The following TEAD1 variants were observed in gnomAD, a reference collection of about 807,000 sequenced individuals.
The protein encoded by TEAD1 is transcriptional enhancer factor TEF-1.
Under a neutral mutation model 54.9 loss-of-function variants are expected in TEAD1, and 9 were observed. That is an observed-to-expected ratio of 0.16 (90% CI 0.10 to 0.29). The LOEUF (loss-of-function observed/expected upper bound fraction) is 0.29. Ranked by LOEUF, TEAD1 falls within the 10% of genes least tolerant of loss-of-function variation. TEAD1 has a pLI of 1.00. For synonymous variants in TEAD1, 200 were observed against 187.8 expected (o/e 1.07, Z -0.53); for missense variants, 387 against 535.9 (o/e 0.72, Z 2.74).
intron 2 of TEAD1, among the ~76,000 whole-genome samples, chr11:12,758,709 T>C (rs4075002): frequency 0.13 from 19,106 of 152,036 alleles, 4,099 homozygotes; most frequent in African/African-American, 0.44. Flanking sequence ...CCACCCTACC[T>C]GGCCATTTTT....
chr11:12,716,895 G>C (rs1467974302), intron 2 of TEAD1, among the ~76,000 whole-genome samples: 1 of 152,204 alleles, frequency 6.6e-6, no homozygotes, highest in Non-Finnish European at 1.5e-5. Context: ...GCCTGGCTCT[G>C]CGTTCCCGAC....
At chr11:12,776,795 T>C (rs148853935) in intron 3 of TEAD1, among the ~76,000 whole-genome samples, 3 of 99,982 alleles carry the variant, frequency 3.0e-5, no homozygotes, top group Admixed American at 9.5e-5. Context: ...TTATTATTAT[T>C]ATTATCATTA....
chr11:12,719,968 T>TGGTGGGGACCTAGCCATGCTG (rs1564917617), intron 2 of TEAD1, among the ~76,000 whole-genome samples: 1 of 61,326 alleles, frequency 1.6e-5, no homozygotes, highest in African/African-American at 7.4e-5. Flanking sequence ...TTTTTTTTTT[T>TGGTGGGGACCTAGCCATGCTG]TTTTTTTTTT....
chr11:12,916,610 C>T (rs1201565206), intron 10 of TEAD1, among the ~76,000 whole-genome samples: 2 of 152,212 alleles, frequency 1.3e-5, no homozygotes, highest in African/African-American at 2.4e-5. Context: ...AACACATCAT[C>T]TTCCCTGTGG....
intron 10 of TEAD1, among the ~76,000 whole-genome samples, chr11:12,923,268 C>T (rs987615263): frequency 2.6e-5 from 4 of 152,110 alleles, no homozygotes; most frequent in Non-Finnish European, 5.9e-5. Flanking sequence ...TTCTCTTTAG[C>T]GCTTCTTTCT....
At chr11:12,805,431 A>T (rs181916527) in intron 3 of TEAD1, among the ~76,000 whole-genome samples, 2 of 152,200 alleles carry the variant, frequency 1.3e-5, no homozygotes, top group African/African-American at 4.8e-5. Flanking sequence ...TTGTTATGTC[A>T]TAATTATATA....
chr11:12,717,178 T>A (rs1944083568), intron 2 of TEAD1, among the ~76,000 whole-genome samples: 1 of 152,232 alleles, frequency 6.6e-6, no homozygotes, highest in South Asian at 2.1e-4. Flanking sequence ...GATTCGGGGC[T>A]AATAAGTAGC....
intron 12 of TEAD1, among the ~76,000 whole-genome samples, chr11:12,933,866 C>T (rs1280073966): frequency 6.6e-6 from 1 of 152,150 alleles, no homozygotes; most frequent in Non-Finnish European, 1.5e-5. Flanking sequence ...GAATGGCGAT[C>T]ATTAAAAAGT....
At chr11:12,680,059 A>G (rs1943184883) in intron 2 of TEAD1, among the ~76,000 whole-genome samples, 1 of 152,132 alleles carries the variant, frequency 6.6e-6, no homozygotes, top group South Asian at 2.1e-4. Context: ...GAAATACGCA[A>G]TTGTTATGAA....
chr11:12,687,214 TAAAG>T (rs1943352229), intron 2 of TEAD1, among the ~76,000 whole-genome samples: 2 of 152,214 alleles, frequency 1.3e-5, no homozygotes, highest in Admixed American at 1.3e-4. Flanking sequence ...TGCTTTTGAT[TAAAG>T]AGAGAAAATG....
At chr11:12,903,199 C>A (rs537616018) in intron 10 of TEAD1, among the ~76,000 whole-genome samples, 128 of 152,284 alleles carry the variant, frequency 8.4e-4, no homozygotes, top group African/African-American at 3.0e-3. Flanking sequence ...TCGTAGATCA[C>A]CAGAGACAGG....
chr11:12,785,222 C>T (rs1945653504), intron 3 of TEAD1, among the ~76,000 whole-genome samples: 1 of 152,182 alleles, frequency 6.6e-6, no homozygotes, highest in African/African-American at 2.4e-5. Flanking sequence ...AGTAACTTCC[C>T]AGCTGCTCTC....
At chr11:12,688,333 T>G (rs191080558) in intron 2 of TEAD1, among the ~76,000 whole-genome samples, 263 of 152,250 alleles carry the variant, frequency 1.7e-3, no homozygotes, top group African/African-American at 6.0e-3. Flanking sequence ...ATACCCCTCT[T>G]TGACACCTTG....
intron 3 of TEAD1, among the ~76,000 whole-genome samples, chr11:12,848,564 A>C (rs925934775): frequency 6.6e-6 from 1 of 152,164 alleles, no homozygotes; most frequent in Non-Finnish European, 1.5e-5. Context: ...CAAGTTTCTT[A>C]ACTTCTTTGA....
intron 12 of TEAD1, among the ~76,000 whole-genome samples, 171 bp from the exon 13 acceptor site, chr11:12,936,938 C>T (rs1037201253): frequency 1.3e-5 from 2 of 152,142 alleles, no homozygotes; most frequent in African/African-American, 2.4e-5. Context: ...AGATGGGCTT[C>T]AGGTCATAGT....
chr11:12,795,731 T>C (rs1035051005), intron 3 of TEAD1, among the ~76,000 whole-genome samples: 3 of 152,156 alleles, frequency 2.0e-5, no homozygotes, highest in Non-Finnish European at 4.4e-5. Flanking sequence ...CACATACATA[T>C]TTTTAACAAG....
intron 2 of TEAD1, among the ~76,000 whole-genome samples, chr11:12,741,084 T>G (rs967799821): frequency 9.2e-5 from 14 of 152,220 alleles, no homozygotes; most frequent in African/African-American, 3.4e-4. Flanking sequence ...TTCCTTTTTA[T>G]TTTCATTTTG....
chr11:12,935,109 A>G (rs1042722042), intron 12 of TEAD1, among the ~76,000 whole-genome samples: 14 of 152,212 alleles, frequency 9.2e-5, no homozygotes, highest in Non-Finnish European at 1.2e-4. Flanking sequence ...GCAGGCATGC[A>G]TCAAGTCATC....
Position 12,726,107 on chromosome 11 carries a change from C to T in TEAD1, c.-54-38072C>T, listed in dbSNP as rs114023406. ...AAGGAACATAAAATAGCAGATGACA[C>T]GGCTGAGCAGGAATGAGCATGGCAT... is the stretch of plus-strand genomic sequence containing the variant. On this transcript the variant is annotated intron_variant, in intron 2 of 12. Transcript: ENST00000527636. 3.4e-3 allele frequency among the ~76,000 whole-genome samples: 511 copies of T among 152,208 alleles called. 1 individual carries two copies. Among genetic ancestry groups the T allele is most frequent in the African/African-American group, 0.012 (483 of 41,510 alleles).
Sources: gnomAD v4.1 joint callset for allele counts (sites outside exome capture counted in the v4.1 genomes callset) on GRCh38, gnomAD v4.1.1 for gene constraint, MANE v1.5 for transcripts, NCBI Gene and HGNC (gene_info 2026-07-23, HGNC 2026-07-21) for gene names.